CHD9: variants seen among roughly 807,000 people sequenced by gnomAD.
CHD9 encodes the protein chromodomain helicase DNA binding protein 9, also known as ATP-dependent chromatin remodeler CHD9.
Under a neutral mutation model 316.1 loss-of-function variants are expected in CHD9, and 77 were observed. That is an observed-to-expected ratio of 0.24 (90% CI 0.20 to 0.29). The LOEUF is 0.29. CHD9 is among the 10% of genes least tolerant of loss of function. The probability of loss-of-function intolerance (pLI) is 1.00; values close to 1 mark genes in which losing one functional copy is unlikely to be tolerated. For missense variants in CHD9, 2,763 were observed against 3,438.1 expected, an observed-to-expected ratio of 0.80 and a Z score of 4.91; for synonymous variants, 1,129 against 1,158.3, an observed-to-expected ratio of 0.97 and a Z score of 0.51.
At chr16:53,322,368 G>A (rs929675658) in intron 38 of CHD9, among the ~76,000 whole-genome samples, 12 of 151,628 alleles carry the variant, frequency 7.9e-5, no homozygotes, top group African/African-American at 2.9e-4. Flanking sequence ...AGCACCTTGG[G>A]AGGCCGAGGC....
intron 1 of CHD9, among the ~76,000 whole-genome samples, chr16:53,092,856 G>A (rs1425299830): frequency 6.6e-6 from 1 of 152,098 alleles, no homozygotes; most frequent in Non-Finnish European, 1.5e-5. Flanking sequence ...AAGGCTCCCT[G>A]CAGCCTCAAT....
At chr16:53,058,000 A>C (rs150417030) in intron 1 of CHD9, among the ~76,000 whole-genome samples, 61 of 152,334 alleles carry the variant, frequency 4.0e-4, no homozygotes, top group African/African-American at 1.3e-3. Flanking sequence ...CCTTACAGAG[A>C]AAGCTTGTCT....
chr16:53,201,781 A>G (rs1460330218), intron 2 of CHD9, among the ~76,000 whole-genome samples: 1 of 152,024 alleles, frequency 6.6e-6, no homozygotes, highest in East Asian at 1.9e-4. Context: ...TAGTCTTATC[A>G]TTCATCTAAA....
At chr16:53,103,477 C>G (rs536609565) in intron 1 of CHD9, among the ~76,000 whole-genome samples, 1 of 152,304 alleles carries the variant, frequency 6.6e-6, no homozygotes, top group African/African-American at 2.4e-5. Context: ...AAAGGGAACT[C>G]ATCTTTGTGT....
chr16:53,156,447 G>C lies in CHD9; in HGVS notation c.358G>C (p.Asp120His). ...CAATGGTTTGTTTCCAGATGTATCA[G>C]ATGGCAGTCCAATGTGGGGCCATCA... Reference protein sequence around the residue: ...QPNGLFPDVSDGSPMWGHQTA... With the variant: ...QPNGLFPDVSHGSPMWGHQTA... Residue 120 changes from aspartate (D) to histidine (H), a missense_variant, in exon 2 of 39, where the codon GAT becomes CAT. Asp to His is a moderately conservative substitution (Grantham distance 81). Coordinates refer to ENST00000447540, the MANE Select transcript of CHD9 (RefSeq NM_001308319.2). 1 of 1,613,978 alleles carries C rather than the reference G, an allele frequency of 6.2e-7. No individual in the cohort carries two copies.
Position 53,215,413 on chromosome 16 carries a change from C to T in CHD9, c.1784+5600C>T, listed in dbSNP as rs563910580. On this transcript the variant is annotated intron_variant, in intron 3 of 38. Transcript: ENST00000447540. ...AAAGCTTATAATACAATGTAACTTTCGCATATTTAAGGATTACAGTTTTAA... is the reference window on the plus strand; with the variant it reads ...AAAGCTTATAATACAATGTAACTTTTGCATATTTAAGGATTACAGTTTTAA... Among the ~76,000 whole-genome samples the T allele has an allele frequency of 5.9e-5, 9 of 152,230 alleles. No individual in the cohort carries two copies. The East Asian group carries it at 7.7e-4, about 13-fold the overall frequency.
intron 1 of CHD9, among the ~76,000 whole-genome samples, chr16:53,057,483 T>A (rs2032302858): frequency 1.3e-5 from 2 of 151,712 alleles, no homozygotes; most frequent in Non-Finnish European, 2.9e-5. Context: ...CAAAACCCCG[T>A]CTCTACTAAA....
chr16:53,294,778 C>G (rs1454884020), intron 29 of CHD9, among the ~76,000 whole-genome samples: 2 of 152,068 alleles, frequency 1.3e-5, no homozygotes, highest in African/African-American at 4.8e-5. Context: ...GAAAGAGTGG[C>G]AAAGCATTTG....
chr16:53,278,645 T>C (rs533730340), intron 24 of CHD9, among the ~76,000 whole-genome samples: 2 of 152,112 alleles, frequency 1.3e-5, no homozygotes, highest in South Asian at 2.1e-4. Context: ...GAATCTACAA[T>C]GAACTCAAAC....
intron 24 of CHD9, among the ~76,000 whole-genome samples, chr16:53,278,952 G>A (rs895918945): frequency 3.4e-4 from 52 of 151,290 alleles, no homozygotes; most frequent in East Asian, 9.7e-4. Context: ...ACAGTGTGGC[G>A]ATTCCTCAAG....
At chr16:53,155,350 G>T (rs1185647555) in intron 1 of CHD9, among the ~76,000 whole-genome samples, 1 of 151,848 alleles carries the variant, frequency 6.6e-6, no homozygotes, top group Non-Finnish European at 1.5e-5. Context: ...AGCCTCCCAG[G>T]TAGCTGAGAC....
intron 34 of CHD9, among the ~76,000 whole-genome samples, chr16:53,310,324 C>CTT (rs959346440): frequency 4.1e-5 from 6 of 146,666 alleles, no homozygotes; most frequent in Non-Finnish European, 9.1e-5. Context: ...CAAAGGAGCC[C>CTT]TTTTTTTTTT....
At chr16:53,302,463 A>C (rs1444445039) in intron 30 of CHD9, among the ~76,000 whole-genome samples, 1 of 152,184 alleles carries the variant, frequency 6.6e-6, no homozygotes, top group Non-Finnish European at 1.5e-5. Flanking sequence ...AGTATGTCTT[A>C]TTACTGATGA....
intron 1 of CHD9, among the ~76,000 whole-genome samples, chr16:53,150,422 A>G (rs2041005440): frequency 6.6e-6 from 1 of 152,198 alleles, no homozygotes; most frequent in Non-Finnish European, 1.5e-5. Flanking sequence ...ATTATCAAAG[A>G]TTACATCGGT....
chr16:53,259,686 G>C (rs2050916495), intron 19 of CHD9, among the ~76,000 whole-genome samples: 1 of 151,916 alleles, frequency 6.6e-6, no homozygotes, highest in Non-Finnish European at 1.5e-5. Flanking sequence ...TTAATTTTTT[G>C]ATTTTTTAAT....
chr16:53,301,045 C>T (rs572687500), intron 30 of CHD9, among the ~76,000 whole-genome samples: 15 of 151,932 alleles, frequency 9.9e-5, no homozygotes, highest in Middle Eastern at 3.4e-3. Context: ...TGCACTCCAG[C>T]GTGGGCAACA....
At chr16:53,202,080 T>C (rs2045508503) in intron 2 of CHD9, among the ~76,000 whole-genome samples, 2 of 152,132 alleles carry the variant, frequency 1.3e-5, no homozygotes, top group African/African-American at 4.8e-5. Context: ...CAGGCTGGCC[T>C]TGGACTCCTG....
chr16:53,159,390 A>T (rs937027561), intron 2 of CHD9, among the ~76,000 whole-genome samples: 1 of 152,214 alleles, frequency 6.6e-6, no homozygotes, highest in Non-Finnish European at 1.5e-5. Flanking sequence ...TTTATAATAA[A>T]AAATTAATGT....
chr16:53,247,167 ATGT>A, intron 15 of CHD9, 123 bp from the exon 16 acceptor site: 1 of 659,146 alleles, frequency 1.5e-6, no homozygotes. Context: ...AATAAAAGCA[ATGT>A]ACATGCCATT....
Sources: gnomAD v4.1 joint callset for allele counts (sites outside exome capture counted in the v4.1 genomes callset) on GRCh38, gnomAD v4.1.1 for gene constraint, MANE v1.5 for transcripts, NCBI Gene and HGNC (gene_info 2026-07-23, HGNC 2026-07-21) for gene names.